LIMCH1: variants seen among roughly 807,000 people sequenced by gnomAD.
The protein encoded by LIMCH1 is LIM and calponin homology domains 1.
LIMCH1 carries 113 observed loss-of-function variants against 176.5 expected under a neutral mutation model. The observed-to-expected ratio is 0.64, with a 90% CI of 0.55 to 0.75. The LOEUF (loss-of-function observed/expected upper bound fraction) is 0.75. LIMCH1 is among the 30% of genes least tolerant of loss of function. The probability of loss-of-function intolerance (pLI) is 0.00; values close to 1 mark genes in which losing one functional copy is unlikely to be tolerated. For missense variants in LIMCH1, 1,674 were observed against 1,814.9 expected (o/e 0.92, Z 1.41); for synonymous variants, 619 against 645.9 (o/e 0.96, Z 0.63).
intron 1 of LIMCH1, among the ~76,000 whole-genome samples, chr4:41,481,052 G>A (rs181630627): frequency 6.6e-6 from 1 of 151,198 alleles, no homozygotes; most frequent in Non-Finnish European, 1.5e-5. Context: ...CTGTCAGTCT[G>A]TGTCTATAAA....
chr4:41,621,182 T>A (rs898849737), intron 7 of LIMCH1, among the ~76,000 whole-genome samples: 3 of 152,194 alleles, frequency 2.0e-5, no homozygotes, highest in African/African-American at 7.2e-5. Context: ...AGAATTGGGT[T>A]TATTTGACTC....
intron 2 of LIMCH1, among the ~76,000 whole-genome samples, chr4:41,523,342 G>A (rs1343110186): frequency 6.6e-6 from 1 of 152,140 alleles, no homozygotes; most frequent in Non-Finnish European, 1.5e-5. Context: ...CTCTGCAGTT[G>A]TAGCACAAAA....
At chr4:41,642,849 G>T (rs770982350) in intron 14 of LIMCH1, among the ~76,000 whole-genome samples, 1 of 151,812 alleles carries the variant, frequency 6.6e-6, no homozygotes, top group Non-Finnish European at 1.5e-5. Flanking sequence ...AGAGTGCTGG[G>T]ATTACAGGCG....
At chr4:41,542,089 T>C (rs2078743765) in intron 1 of LIMCH1, among the ~76,000 whole-genome samples, 1 of 152,084 alleles carries the variant, frequency 6.6e-6, no homozygotes, top group African/African-American at 2.4e-5. Context: ...GCTCTGACCA[T>C]AGAGCTTACT....
At position 41,647,742 on chromosome 4, in the gene LIMCH1, G is replaced by A. The variant is rs569100732; in HGVS notation, c.2820+849G>A. Among the ~76,000 whole-genome samples the A allele has an allele frequency of 9.2e-5, 14 of 152,368 alleles. No homozygotes were observed. The East Asian group carries it at 1.2e-3, about 13-fold the overall frequency. ...AACTGATTGAGCAGTGTGATGCCAC[G>A]TAGCTTCCTTGCTGTATTTCAAAGA... On this transcript the variant is annotated intron_variant, in intron 17 of 31. Coordinates refer to ENST00000503057, the MANE Select transcript of LIMCH1 (RefSeq NM_001330672.2).
At chr4:41,559,150 A>C (rs73146339) in intron 1 of LIMCH1, among the ~76,000 whole-genome samples, 9,572 of 152,166 alleles carry the variant, frequency 0.063, 980 homozygotes, top group African/African-American at 0.22. Flanking sequence ...TAAATACAGT[A>C]CTCTAAGAAT....
At chr4:41,522,295 A>G (rs1358175315) in intron 2 of LIMCH1, among the ~76,000 whole-genome samples, 2 of 152,148 alleles carry the variant, frequency 1.3e-5, no homozygotes, top group African/African-American at 4.8e-5. Context: ...ATATATTGTT[A>G]AGTGAAAAAA....
chr4:41,640,406 A>G (rs1390023357), intron 14 of LIMCH1, among the ~76,000 whole-genome samples: 2 of 152,240 alleles, frequency 1.3e-5, no homozygotes, highest in Non-Finnish European at 2.9e-5. Context: ...AAGGGAAATT[A>G]AAGAGTTTCT....
chr4:41,586,669 T>A (rs2086534468), intron 1 of LIMCH1, among the ~76,000 whole-genome samples: 1 of 152,154 alleles, frequency 6.6e-6, no homozygotes, highest in African/African-American at 2.4e-5. Context: ...AATGCATATG[T>A]TGGGTTTTAG....
chr4:41,672,881 A>G (rs1258163907), intron 22 of LIMCH1, among the ~76,000 whole-genome samples: 1 of 152,096 alleles, frequency 6.6e-6, no homozygotes, highest in African/African-American at 2.4e-5. Flanking sequence ...AACTTCTCTG[A>G]CCCTCATCTT....
intron 1 of LIMCH1, among the ~76,000 whole-genome samples, chr4:41,592,676 T>C (rs2087857725): frequency 6.6e-6 from 1 of 152,230 alleles, no homozygotes; most frequent in Admixed American, 6.5e-5. Context: ...GTATATTTTC[T>C]GTAATTTTGA....
At position 41,471,027 on chromosome 4, in the gene LIMCH1, C is replaced by CTTTT. The variant is rs34026751; in HGVS notation, c.97-23494_97-23491dup. On this transcript the variant is annotated intron_variant, in intron 1 of 26. Coordinates refer to the LIMCH1 transcript ENST00000313860. ...GGATGCCAGTCTTTCCAAACTAAGA[C>CTTTT]TTTTTTTTTTTTTTTTTTAACATAG... Among the ~76,000 whole-genome samples, 562 of 131,304 alleles carry CTTTT rather than the reference C, an allele frequency of 4.3e-3. 3 individuals carry two copies. Among genetic ancestry groups the CTTTT allele is most frequent in the South Asian group, 0.018 (72 of 3,982 alleles). The allele number at this position is 131,304 out of a possible 152,430, so 86.1% of individuals were successfully genotyped here.
chr4:41,626,103 A>G (rs1332539362), intron 7 of LIMCH1, among the ~76,000 whole-genome samples: 1 of 152,210 alleles, frequency 6.6e-6, no homozygotes, highest in Non-Finnish European at 1.5e-5. Context: ...GCAGGGCAAG[A>G]TAAGCTTCCT....
intron 1 of LIMCH1, among the ~76,000 whole-genome samples, chr4:41,475,900 A>G (rs1346267959): frequency 2.0e-5 from 3 of 152,242 alleles, no homozygotes; most frequent in African/African-American, 7.2e-5. Flanking sequence ...AAAGACATTA[A>G]AAAGATTTTT....
chr4:41,582,783 A>G (rs2085736830), intron 1 of LIMCH1, among the ~76,000 whole-genome samples: 1 of 152,212 alleles, frequency 6.6e-6, no homozygotes, highest in African/African-American at 2.4e-5. Context: ...GATGATCATG[A>G]TGTTGATATT....
intron 1 of LIMCH1, among the ~76,000 whole-genome samples, chr4:41,364,705 C>A (rs2052703266): frequency 6.6e-6 from 1 of 152,168 alleles, no homozygotes; most frequent in African/African-American, 2.4e-5. Context: ...AAACTCCAAG[C>A]AGAATGCTCA....
At chr4:41,535,776 C>G (rs1167307325), upstream of LIMCH1, among the ~76,000 whole-genome samples, 7 of 152,180 alleles carry the variant, frequency 4.6e-5, no homozygotes, top group Non-Finnish European at 1.5e-5. Context: ...TCTTTCTGCA[C>G]CACCACAAAC....
At chr4:41,469,842 C>G (rs555497047) in intron 1 of LIMCH1, among the ~76,000 whole-genome samples, 22 of 151,896 alleles carry the variant, frequency 1.4e-4, no homozygotes, top group Non-Finnish European at 2.9e-4. Context: ...CCACCAGGCT[C>G]AGCTAATTTT....
At chr4:41,415,287 G>A (rs1236139764) in intron 1 of LIMCH1, among the ~76,000 whole-genome samples, 1 of 152,188 alleles carries the variant, frequency 6.6e-6, no homozygotes, top group Non-Finnish European at 1.5e-5. Context: ...GCCATGTGGA[G>A]AATGTCAGTA....
Sources: allele counts gnomAD v4.1 joint callset (sites outside exome capture counted in the v4.1 genomes callset), GRCh38; gene constraint gnomAD v4.1.1; transcripts MANE v1.5; gene names NCBI Gene and HGNC (gene_info 2026-07-23, HGNC 2026-07-21).